The following FER variants were observed in gnomAD, a reference collection of about 807,000 sequenced individuals.
The protein encoded by FER is tyrosine-protein kinase Fer.
FER carries 63 observed loss-of-function variants against 111.0 expected under a neutral mutation model. The observed-to-expected ratio is 0.57, with a 90% CI of 0.46 to 0.70. FER has a LOEUF of 0.70. Among genes scored for constraint, FER ranks in the 30% least tolerant of loss-of-function variants. The pLI is 0.00. For synonymous variants in FER, 327 were observed against 313.9 expected (o/e 1.04, Z -0.44); for missense variants, 914 against 954.0 (o/e 0.96, Z 0.55).
chr5:108,845,041 C>CATATATATATATATATATATACATAT (rs1761849397), intron 5 of FER, among the ~76,000 whole-genome samples: 1 of 46,392 alleles, frequency 2.2e-5, no homozygotes, highest in African/African-American at 6.7e-5. Context: ...TATATATATA[C>CATATATATATATATATATATACATAT]ATATATATAT....
intron 13 of FER, among the ~76,000 whole-genome samples, chr5:108,996,493 T>G (rs540049528): frequency 3.3e-5 from 5 of 152,332 alleles, no homozygotes; most frequent in African/African-American, 9.6e-5. Flanking sequence ...TAGCCAGTTT[T>G]CCCAACACAA....
chr5:108,958,146 A>G (rs1758673757), intron 12 of FER, among the ~76,000 whole-genome samples: 1 of 151,818 alleles, frequency 6.6e-6, no homozygotes. Flanking sequence ...ATTCATTTAA[A>G]AAGTTTTATA....
intron 13 of FER, among the ~76,000 whole-genome samples, chr5:109,009,007 A>G (rs997762825): frequency 4.6e-5 from 7 of 151,474 alleles, no homozygotes; most frequent in Admixed American, 4.6e-4. Flanking sequence ...ACAATAGCCA[A>G]AGCTTTCATT....
chr5:109,150,701 A>G (rs913156391), intron 17 of FER, among the ~76,000 whole-genome samples: 3 of 152,160 alleles, frequency 2.0e-5, no homozygotes, highest in African/African-American at 4.8e-5. Flanking sequence ...ATAGTTGTTT[A>G]TGTTTCTCCC....
At chr5:109,136,166 G>C (rs1752872615) in intron 17 of FER, among the ~76,000 whole-genome samples, 1 of 152,016 alleles carries the variant, frequency 6.6e-6, no homozygotes, top group African/African-American at 2.4e-5. Flanking sequence ...TGAGGTGAGA[G>C]AATCACTTGA....
At chr5:109,000,291 C>T (rs1456206450) in intron 13 of FER, among the ~76,000 whole-genome samples, 1 of 151,458 alleles carries the variant, frequency 6.6e-6, no homozygotes, top group Non-Finnish European at 1.5e-5. Context: ...CATATTTAAG[C>T]AGACATTAAT....
intron 2 of FER, among the ~76,000 whole-genome samples, chr5:108,772,224 T>C (rs1433467779): frequency 6.6e-6 from 1 of 151,916 alleles, no homozygotes; most frequent in Non-Finnish European, 1.5e-5. Context: ...GGGGGTTAAG[T>C]TGAATTTTGG....
intron 13 of FER, among the ~76,000 whole-genome samples, chr5:108,969,529 G>T (rs1760342571): frequency 6.6e-6 from 1 of 152,084 alleles, no homozygotes; most frequent in Non-Finnish European, 1.5e-5. Flanking sequence ...AACAATAACA[G>T]ATTACATGTT....
chr5:108,878,644 T>G (rs969926418), intron 8 of FER, among the ~76,000 whole-genome samples: 3 of 152,168 alleles, frequency 2.0e-5, no homozygotes, highest in Admixed American at 2.0e-4. Flanking sequence ...ACTCTAAGCT[T>G]ATAAAATTGG....
chr5:108,899,122 G>A (rs189552108), intron 10 of FER, among the ~76,000 whole-genome samples: 81 of 150,410 alleles, frequency 5.4e-4, no homozygotes, highest in African/African-American at 2.4e-4. Flanking sequence ...CTGAGAATAC[G>A]GTAAATGTAG....
intron 10 of FER, among the ~76,000 whole-genome samples, chr5:108,925,830 T>G (rs1165335288): frequency 6.6e-6 from 1 of 152,092 alleles, no homozygotes; most frequent in Non-Finnish European, 1.5e-5. Flanking sequence ...GCATAAGTTT[T>G]GCTTATCTGG....
At chr5:108,969,617 G>C (rs1466726261) in intron 13 of FER, among the ~76,000 whole-genome samples, 1 of 133,776 alleles carries the variant, frequency 7.5e-6, no homozygotes, top group Non-Finnish European at 1.5e-5. Flanking sequence ...TAATTTTTTT[G>C]AACACTGTGA....
intron 3 of FER, among the ~76,000 whole-genome samples, chr5:108,824,013 A>G (rs1759175561): frequency 6.6e-6 from 1 of 152,020 alleles, no homozygotes; most frequent in Non-Finnish European, 1.5e-5. Flanking sequence ...AGTTTTCCCA[A>G]CACTGTTTAT....
At chr5:109,024,828 TTC>T (rs1281466453) in intron 13 of FER, among the ~76,000 whole-genome samples, 2 of 152,176 alleles carry the variant, frequency 1.3e-5, no homozygotes, top group East Asian at 3.9e-4. Flanking sequence ...AGTTTCAGCT[TTC>T]TACATATGGC....
chr5:109,053,691 A>AT (rs544623578), intron 16 of FER, among the ~76,000 whole-genome samples: 17,499 of 119,322 alleles, frequency 0.15, 1,879 homozygotes, highest in African/African-American at 0.23. Context: ...GTGGAGTTCT[A>AT]TTTTTTTTTT....
intron 10 of FER, among the ~76,000 whole-genome samples, chr5:108,913,842 A>G (rs1751887616): frequency 6.6e-6 from 1 of 152,250 alleles, no homozygotes; most frequent in Non-Finnish European, 1.5e-5. Flanking sequence ...GATTACAACT[A>G]CATGCAGCAG....
chr5:108,779,617 A>G (rs1753835228), intron 2 of FER, among the ~76,000 whole-genome samples: 1 of 152,188 alleles, frequency 6.6e-6, no homozygotes, highest in Admixed American at 6.5e-5. Flanking sequence ...TAGGAAAGCA[A>G]TTGACTTTTG....
At chr5:109,040,266 A>G (rs1017519478) in intron 14 of FER, among the ~76,000 whole-genome samples, 1 of 152,122 alleles carries the variant, frequency 6.6e-6, no homozygotes, top group Non-Finnish European at 1.5e-5. Flanking sequence ...ACTTACCACA[A>G]TTAGGTGGAT....
intron 13 of FER, among the ~76,000 whole-genome samples, chr5:109,025,880 G>A (rs1330991931): frequency 6.6e-6 from 1 of 152,060 alleles, no homozygotes; most frequent in East Asian, 1.9e-4. Flanking sequence ...TATTTTTCTA[G>A]CTGGCTATTT....
Sources: gnomAD v4.1 joint callset for allele counts (sites outside exome capture counted in the v4.1 genomes callset) on GRCh38, gnomAD v4.1.1 for gene constraint, MANE v1.5 for transcripts, NCBI Gene and HGNC (gene_info 2026-07-23, HGNC 2026-07-21) for gene names.